Variants in STARD13 observed in about 807,000 individuals in gnomAD.
The protein encoded by STARD13 is StAR related lipid transfer domain containing 13.
A neutral mutation model predicts 106.4 loss-of-function variants in STARD13; 62 were observed. The observed-to-expected ratio is 0.58, with a 90% CI of 0.48 to 0.72. The LOEUF (loss-of-function observed/expected upper bound fraction) is 0.72. Ranked by LOEUF, STARD13 falls within the 30% of genes least tolerant of loss-of-function variation. STARD13 has a pLI of 0.00. For missense variants in STARD13, 1,387 were observed against 1,424.0 expected (o/e 0.97, Z 0.42); for synonymous variants, 565 against 553.0 (o/e 1.02, Z -0.31).
At chr13:33,235,082 C>G (rs1889121482) in intron 1 of STARD13, among the ~76,000 whole-genome samples, 2 of 152,204 alleles carry the variant, frequency 1.3e-5, no homozygotes, top group Admixed American at 1.3e-4. Flanking sequence ...AAACTAGCAT[C>G]AGGAATGCTT....
chr13:33,407,123 C>T, the STARD13 span, among the ~76,000 whole-genome samples: 1 of 152,166 alleles, frequency 6.6e-6, no homozygotes, highest in Admixed American at 6.5e-5. Flanking sequence ...AACCCACGGT[C>T]CAGCAGCACG....
intron 1 of STARD13, among the ~76,000 whole-genome samples, chr13:33,278,100 G>A (rs1891550595): frequency 6.6e-6 from 1 of 152,130 alleles, no homozygotes; most frequent in Non-Finnish European, 1.5e-5. Flanking sequence ...GTGTTCCCCA[G>A]GGAAAGCTGG....
At chr13:33,503,051 A>G in the STARD13 span, among the ~76,000 whole-genome samples, 5 of 152,154 alleles carry the variant, frequency 3.3e-5, no homozygotes, top group African/African-American at 7.2e-5. Context: ...TATTGCCTCA[A>G]TTTCAGAACC....
At chr13:33,479,472 C>G in the STARD13 span, among the ~76,000 whole-genome samples, 2 of 152,210 alleles carry the variant, frequency 1.3e-5, no homozygotes, top group African/African-American at 4.8e-5. Flanking sequence ...AAGAGTCAAA[C>G]ATATGTCAGC....
chr13:33,117,914 C>A, intron 8 of STARD13, 151 bp downstream of exon 8: 5 of 1,391,182 alleles, frequency 3.6e-6, no homozygotes, highest in East Asian at 2.6e-5. Flanking sequence ...AAACTTTGAG[C>A]AAAAGTTACT....
chr13:33,182,267 T>C (rs1885312055), intron 1 of STARD13, among the ~76,000 whole-genome samples: 1 of 152,240 alleles, frequency 6.6e-6, no homozygotes, highest in African/African-American at 2.4e-5. Flanking sequence ...AAACACTGAC[T>C]AGATAACACT....
chr13:33,462,944 C>T, the STARD13 span, among the ~76,000 whole-genome samples: 21 of 152,270 alleles, frequency 1.4e-4, no homozygotes, highest in Admixed American at 3.9e-4. Flanking sequence ...CAATATCAAC[C>T]GCCACAATAT....
intron 11 of STARD13, 129 bp downstream of exon 11, chr13:33,110,557 C>T (rs1171481543): frequency 1.3e-6 from 1 of 752,002 alleles, no homozygotes. Flanking sequence ...TTGAATGGTT[C>T]ATGTGCCTTA....
the STARD13 span, among the ~76,000 whole-genome samples, chr13:33,512,249 G>A: frequency 1.3e-5 from 2 of 152,074 alleles, no homozygotes; most frequent in African/African-American, 4.8e-5. Flanking sequence ...TGCCAAAAGA[G>A]GACTGCTGAT....
At chr13:33,219,764 C>T (rs1219977743) in intron 1 of STARD13, among the ~76,000 whole-genome samples, 1 of 138,814 alleles carries the variant, frequency 7.2e-6, no homozygotes, top group Non-Finnish European at 1.5e-5. Flanking sequence ...GATCACGCCA[C>T]TGTACTCCAC....
At chr13:33,646,044 C>T in the STARD13 span, among the ~76,000 whole-genome samples, 8 of 152,138 alleles carry the variant, frequency 5.3e-5, no homozygotes, top group African/African-American at 9.7e-5. Context: ...GTTTTTAACA[C>T]GGACAAAAAG....
the STARD13 span, among the ~76,000 whole-genome samples, chr13:33,572,747 G>A: frequency 2.6e-4 from 39 of 152,086 alleles, no homozygotes; most frequent in Non-Finnish European, 4.9e-4. Flanking sequence ...AAGCAAAAAC[G>A]GAACTGGATA....
the STARD13 span, among the ~76,000 whole-genome samples, chr13:33,443,231 G>T: frequency 6.6e-6 from 1 of 151,948 alleles, no homozygotes; most frequent in African/African-American, 2.4e-5. Flanking sequence ...CAAAAAATTA[G>T]CCAGGCGTGG....
the STARD13 span, among the ~76,000 whole-genome samples, chr13:33,556,154 A>G: frequency 6.6e-6 from 1 of 152,234 alleles, no homozygotes; most frequent in African/African-American, 2.4e-5. Context: ...TCATAAGGTA[A>G]GGTAAAATAA....
the STARD13 span, among the ~76,000 whole-genome samples, chr13:33,597,931 G>A: frequency 1.3e-5 from 2 of 152,114 alleles, no homozygotes; most frequent in Admixed American, 6.5e-5. Context: ...AAATGTTGAT[G>A]GCTATTATTT....
the STARD13 span, among the ~76,000 whole-genome samples, chr13:33,391,416 G>A: frequency 1.6e-4 from 25 of 152,220 alleles, no homozygotes; most frequent in Admixed American, 1.2e-3. Flanking sequence ...AACATTTACC[G>A]TAAATCAAGG....
chr13:33,453,071 C>T, the STARD13 span, among the ~76,000 whole-genome samples: 4 of 152,160 alleles, frequency 2.6e-5, no homozygotes, highest in Non-Finnish European at 2.9e-5. Context: ...GGGCAACATC[C>T]CACTGGGTTT....
the STARD13 span, among the ~76,000 whole-genome samples, chr13:33,671,510 C>A: frequency 6.6e-6 from 1 of 152,204 alleles, no homozygotes; most frequent in Non-Finnish European, 1.5e-5. Context: ...GCAGGAGGAA[C>A]AGTTGAGTCA....
intron 1 of STARD13, among the ~76,000 whole-genome samples, chr13:33,220,674 A>T (rs1888307646): frequency 6.6e-6 from 1 of 152,206 alleles, no homozygotes; most frequent in African/African-American, 2.4e-5. Flanking sequence ...CCTGGGCAAC[A>T]GAGCAAGATT....
Sources: gnomAD v4.1 joint callset for allele counts (sites outside exome capture counted in the v4.1 genomes callset) on GRCh38, gnomAD v4.1.1 for gene constraint, MANE v1.5 for transcripts, NCBI Gene and HGNC (gene_info 2026-07-23, HGNC 2026-07-21) for gene names.